The following EVL variants were observed in gnomAD, a reference collection of about 807,000 sequenced individuals.
EVL encodes the protein Enah/Vasp-like.
Under a neutral mutation model 59.6 loss-of-function variants are expected in EVL, and 21 were observed. That is an observed-to-expected ratio of 0.35 (90% CI 0.25 to 0.51). The LOEUF is 0.51. EVL is among the 20% of genes least tolerant of loss of function. The pLI, the probability that EVL is intolerant of heterozygous loss-of-function variation, is 0.97. For missense variants in EVL, 462 were observed against 546.6 expected (o/e 0.85, Z 1.54); for synonymous variants, 198 against 203.5 (o/e 0.97, Z 0.23).
At chr14:100,043,233 A>ATGTG (rs1004991662) in intron 1 of EVL, among the ~76,000 whole-genome samples, 13 of 151,010 alleles carry the variant, frequency 8.6e-5, no homozygotes, top group Non-Finnish European at 1.6e-4. Context: ...ATATATATGT[A>ATGTG]TGTGTGTGTG....
At chr14:100,037,022 G>C (rs779168210) in intron 1 of EVL, among the ~76,000 whole-genome samples, 14 of 152,212 alleles carry the variant, frequency 9.2e-5, no homozygotes, top group Non-Finnish European at 1.6e-4. Context: ...CACAAGCCAA[G>C]GAGAGAGGCC....
At chr14:100,099,473 G>A (rs1212703956) in intron 3 of EVL, among the ~76,000 whole-genome samples, 1 of 152,188 alleles carries the variant, frequency 6.6e-6, no homozygotes, top group Admixed American at 6.5e-5. Flanking sequence ...TGGGTCGTGC[G>A]TAGAGCAGGT....
intron 1 of EVL, among the ~76,000 whole-genome samples, chr14:100,055,558 A>C (rs1030021685): frequency 6.6e-6 from 1 of 152,238 alleles, no homozygotes; most frequent in Non-Finnish European, 1.5e-5. Flanking sequence ...ATGATAGTTT[A>C]GATTGGTATA....
At chr14:99,999,746 G>A (rs900125716) in intron 1 of EVL, among the ~76,000 whole-genome samples, 1 of 152,184 alleles carries the variant, frequency 6.6e-6, no homozygotes, top group Non-Finnish European at 1.5e-5. Context: ...GTGGACCCCT[G>A]GAGCTTACTA....
intron 8 of EVL, chr14:100,135,620 A>T: frequency 2.7e-6 from 1 of 367,604 alleles, no homozygotes; most frequent in Non-Finnish European, 5.1e-6. Flanking sequence ...AGGGGGGCTC[A>T]GGGCTTGCGG....
chr14:100,143,628 G>T, intron 13 of EVL, 73 bp from the exon 14 acceptor site: 2 of 1,579,870 alleles, frequency 1.3e-6, no homozygotes, highest in Non-Finnish European at 1.7e-6. Context: ...CACGCCAGGG[G>T]TGCGGGGCCC....
At chr14:100,094,061 A>G (rs1355652331) in intron 2 of EVL, among the ~76,000 whole-genome samples, 3 of 152,194 alleles carry the variant, frequency 2.0e-5, no homozygotes, top group Non-Finnish European at 4.4e-5. Flanking sequence ...CCCACATTTC[A>G]GGTATCCACT....
intron 3 of EVL, among the ~76,000 whole-genome samples, chr14:100,103,258 T>C (rs1886347093): frequency 6.6e-6 from 1 of 151,376 alleles, no homozygotes; most frequent in Non-Finnish European, 1.5e-5. Flanking sequence ...TCAGATGAGC[T>C]TGTGTTTTTG....
chr14:100,015,576 G>A (rs2061043892), intron 1 of EVL, among the ~76,000 whole-genome samples: 1 of 152,170 alleles, frequency 6.6e-6, no homozygotes, highest in Non-Finnish European at 1.5e-5. Flanking sequence ...TTGTAGCTGG[G>A]AGAGCCCCAC....
At chr14:100,083,574 C>T (rs1176189707) in intron 1 of EVL, among the ~76,000 whole-genome samples, 3 of 152,108 alleles carry the variant, frequency 2.0e-5, no homozygotes, top group Non-Finnish European at 4.4e-5. Context: ...CCCTGAATAC[C>T]GTGGCAGGAG....
At chr14:100,042,736 G>A (rs539538031) in intron 1 of EVL, among the ~76,000 whole-genome samples, 3 of 152,314 alleles carry the variant, frequency 2.0e-5, no homozygotes, top group African/African-American at 7.2e-5. Context: ...AAGCTACAAC[G>A]TTTGTGGAGG....
At chr14:100,001,628 C>T (rs574644996) in intron 1 of EVL, among the ~76,000 whole-genome samples, 2 of 152,182 alleles carry the variant, frequency 1.3e-5, no homozygotes, top group Non-Finnish European at 2.9e-5. Context: ...ACAAGCCCAG[C>T]CGTGGATTTG....
chr14:100,137,414 A>C, intron 9 of EVL, 164 bp from the exon 10 acceptor site: 1 of 671,798 alleles, frequency 1.5e-6, no homozygotes, highest in Admixed American at 2.4e-5. Flanking sequence ...TGGGGGACTG[A>C]GAACAAGGTG....
chr14:99,991,728 G>C (rs1299361136), intron 1 of EVL, among the ~76,000 whole-genome samples: 1 of 152,084 alleles, frequency 6.6e-6, no homozygotes, highest in African/African-American at 2.4e-5. Context: ...CTGCCAGCAA[G>C]TATGCTTGGG....
chr14:100,111,001 C>T (rs762331486), intron 3 of EVL, among the ~76,000 whole-genome samples: 4 of 152,126 alleles, frequency 2.6e-5, no homozygotes, highest in Non-Finnish European at 5.9e-5. Flanking sequence ...CCATGGTCAG[C>T]ACAGTGGTTG....
Position 100,108,267 on chromosome 14 carries a change from C to T in EVL, c.358+10609C>T, listed in dbSNP as rs1886706877. Among the ~76,000 whole-genome samples the T allele has an allele frequency of 6.6e-6, 1 of 152,120 alleles. No individual in the cohort carries two copies. Reference sequence around the variant, plus strand: ...AGGGGAGTGGAAGGTTGTTAAACCTCATAGCTCTTGGAGGTGGGGCTGAAT... The same window carrying T: ...AGGGGAGTGGAAGGTTGTTAAACCTTATAGCTCTTGGAGGTGGGGCTGAAT... On this transcript the variant is annotated intron_variant, in intron 3 of 13. Coordinates refer to ENST00000392920, the MANE Select transcript of EVL (RefSeq NM_016337.3). This position sits in a 1 kb window ranked among gnomAD's most constrained non-coding sequence, Gnocchi z 4.1.
rs1035660928 is a variant in EVL, at chr14:100,143,838, A to G, written c.*100A>G. ...GACTCCAGTGCACCAGAGCACGCAC[A>G]GGAGCCTGGGCGCGCTGCTGTGAAA... On this transcript the variant is annotated 3_prime_UTR_variant, in exon 14 of 14. Coordinates refer to ENST00000392920, the MANE Select transcript of EVL (RefSeq NM_016337.3). 40 of 1,445,964 alleles carry G rather than the reference A, an allele frequency of 2.8e-5. No homozygotes were observed. Among genetic ancestry groups the G allele is most frequent in the Non-Finnish European group, 1.9e-6 (2 of 1,053,572 alleles). The allele number at this position is 1,445,964 out of a possible 1,614,324, so 89.6% of individuals were successfully genotyped here. A position where few individuals can be genotyped will look rare whatever the true frequency, so the allele number is the denominator to read the frequency against.
chr14:100,135,573 AAGTC>A (rs2140398013), intron 8 of EVL: 1 of 304,266 alleles, frequency 3.3e-6, no homozygotes, highest in Non-Finnish European at 6.3e-6. Context: ...TGCTCATGAG[AAGTC>A]AGTGAGATGA....
intron 1 of EVL, among the ~76,000 whole-genome samples, chr14:100,047,771 C>T (rs1251891523): frequency 1.3e-5 from 2 of 152,128 alleles, no homozygotes; most frequent in East Asian, 3.8e-4. Context: ...ACAAGTTACC[C>T]TACAGAGAGC....
Sources: gnomAD v4.1 joint callset for allele counts (sites outside exome capture counted in the v4.1 genomes callset) on GRCh38, gnomAD v4.1.1 for gene constraint, Gnocchi (gnomAD v3.1) non-coding constraint, MANE v1.5 for transcripts, NCBI Gene and HGNC (gene_info 2026-07-23, HGNC 2026-07-21) for gene names.